The following CFAP58 variants were observed in gnomAD, a reference collection of about 807,000 sequenced individuals.
CFAP58 encodes the protein cilia and flagella associated protein 58.
Under a neutral mutation model 119.5 loss-of-function variants are expected in CFAP58, and 88 were observed. That is an observed-to-expected ratio of 0.74 (90% CI 0.62 to 0.88). The LOEUF (loss-of-function observed/expected upper bound fraction) is 0.88, where lower values mean the gene tolerates loss of function less well. Among genes scored for constraint, CFAP58 ranks in the 40% least tolerant of loss-of-function variants. The probability of loss-of-function intolerance (pLI) is 0.00; values close to 1 mark genes in which losing one functional copy is unlikely to be tolerated. For synonymous variants in CFAP58, 365 were observed against 366.3 expected (o/e 1.00, Z 0.04); for missense variants, 990 against 1,021.2 (o/e 0.97, Z 0.42).
chr10:104,387,680 C>T (rs2133024231), intron 9 of CFAP58, among the ~76,000 whole-genome samples: 1 of 152,268 alleles, frequency 6.6e-6, no homozygotes, highest in East Asian at 1.9e-4. Context: ...TACCATATTT[C>T]CTGCTTTCTG....
At chr10:104,432,651 C>T (rs1042728447) in intron 15 of CFAP58, among the ~76,000 whole-genome samples, 7 of 151,868 alleles carry the variant, frequency 4.6e-5, no homozygotes, top group African/African-American at 9.7e-5. Flanking sequence ...TACAGGCACA[C>T]GCCACCATGC....
chr10:104,432,339 A>C (rs2012862153), intron 15 of CFAP58, among the ~76,000 whole-genome samples: 1 of 152,252 alleles, frequency 6.6e-6, no homozygotes, highest in African/African-American at 2.4e-5. Flanking sequence ...ACAGTTCACA[A>C]AGGAAGAAAT....
chr10:104,408,741 C>T (rs368729045), intron 15 of CFAP58, among the ~76,000 whole-genome samples: 30 of 152,236 alleles, frequency 2.0e-4, no homozygotes, highest in African/African-American at 6.5e-4. Flanking sequence ...GGTTAATGCT[C>T]AGCTCATCAA....
intron 15 of CFAP58, among the ~76,000 whole-genome samples, chr10:104,429,423 T>C (rs917975029): frequency 1.3e-5 from 2 of 152,134 alleles, no homozygotes; most frequent in African/African-American, 2.4e-5. Context: ...CATATTCAAC[T>C]AGCTGTGGAA....
chr10:104,418,119 C>G (rs1370136271), intron 15 of CFAP58, among the ~76,000 whole-genome samples: 1 of 152,234 alleles, frequency 6.6e-6, no homozygotes, highest in African/African-American at 2.4e-5. Flanking sequence ...CTCATTCATT[C>G]ACGGAACATC....
At chr10:104,450,356 C>A in intron 17 of CFAP58, 152 bp downstream of exon 17, 1 of 807,542 alleles carries the variant, frequency 1.2e-6, no homozygotes, top group Non-Finnish European at 2.0e-6. Flanking sequence ...AAGTTTGTAT[C>A]AGAGCAAGAT....
chr10:104,358,968 A>G (rs928337939), intron 2 of CFAP58, among the ~76,000 whole-genome samples: 3 of 152,220 alleles, frequency 2.0e-5, no homozygotes, highest in Admixed American at 6.5e-5. Flanking sequence ...TTTAACTGTT[A>G]AAGATATTTT....
At position 104,357,878 on chromosome 10, in the gene CFAP58, TACACATATATAA is replaced by T. The variant is rs1430077947; in HGVS notation, c.10-459_10-448del. 2.5e-3 allele frequency among the ~76,000 whole-genome samples: 297 copies of T among 119,604 alleles called. 16 individuals are homozygous for T. Among genetic ancestry groups the T allele is most frequent in the African/African-American group, 8.3e-3 (274 of 33,212 alleles). The allele number at this position is 119,604 out of a possible 152,430, so 78.5% of individuals were successfully genotyped here. A position where few individuals can be genotyped will look rare whatever the true frequency, so the allele number is the denominator to read the frequency against. On this transcript the variant is annotated intron_variant, in intron 1 of 17. Transcript: ENST00000369704. ...ATATACACATATATACACATATATG[TACACATATATAA>T]ACATATATGTACACATATACACACA...
In CFAP58 at chr10:104,353,888, G is replaced by A. The variant is rs376272261; in HGVS notation, c.-10G>A. 2.0e-5 allele frequency: 33 copies of A among 1,613,148 alleles called. No homozygotes were observed. Among genetic ancestry groups the A allele is most frequent in the Non-Finnish European group, 2.8e-5 (33 of 1,179,236 alleles). ...AGCAGCCTCTGAGGCCGCCCCCAGA[G>A]AGCATCAGGATGGCTGAGGTCAGGA... On this transcript the variant is annotated 5_prime_UTR_variant, in exon 1 of 18. Coordinates refer to ENST00000369704, the MANE Select transcript of CFAP58 (RefSeq NM_001008723.2).
At chr10:104,423,827 G>A (rs2012699481) in intron 15 of CFAP58, among the ~76,000 whole-genome samples, 2 of 152,144 alleles carry the variant, frequency 1.3e-5, no homozygotes, top group South Asian at 4.1e-4. Context: ...GGACCCGGGG[G>A]AGTCCTATCT....
At chr10:104,403,511 C>CTTTTTT (rs572839157) in intron 13 of CFAP58, among the ~76,000 whole-genome samples, 2 of 133,140 alleles carry the variant, frequency 1.5e-5, no homozygotes, top group Non-Finnish European at 3.2e-5. Flanking sequence ...AGCCCTGGCA[C>CTTTTTT]TTTTTTTTTT....
rs750654329 is a variant in CFAP58, at chr10:104,406,840, C to A, written c.2256+47C>A. ...CTCATTGTACAAGTCCTTAGCACCA[C>A]CATCTCCAGGACTACGTTCTTAGAA... On this transcript the variant is annotated intron_variant, in intron 15 of 17. Transcript: ENST00000369704. 8 of 1,391,880 alleles carry A rather than the reference C, an allele frequency of 5.7e-6. No homozygotes were observed. The South Asian group carries it at 8.1e-5, about 14-fold the overall frequency. 86.2% of individuals were successfully genotyped at this position (1,391,880 alleles called of 1,614,324 possible). A position where few individuals can be genotyped will look rare whatever the true frequency, so the allele number is the denominator to read the frequency against.
intron 11 of CFAP58, among the ~76,000 whole-genome samples, chr10:104,397,606 C>T (rs1308156291): frequency 1.3e-5 from 2 of 152,062 alleles, no homozygotes; most frequent in Non-Finnish European, 1.5e-5. Flanking sequence ...TCTGGGTAGG[C>T]GGGGGTCCAA....
At chr10:104,361,448 T>A (rs1207114827) in intron 2 of CFAP58, among the ~76,000 whole-genome samples, 2 of 152,214 alleles carry the variant, frequency 1.3e-5, no homozygotes, top group African/African-American at 4.8e-5. Context: ...TGGGACCAGA[T>A]GATAAAATAT....
Position 104,381,176 on chromosome 10 carries a change from GACAA to G in CFAP58, c.1365+968_1365+971del, listed in dbSNP as rs145857429. On this transcript the variant is annotated intron_variant, in intron 9 of 17. Coordinates refer to ENST00000369704, the MANE Select transcript of CFAP58 (RefSeq NM_001008723.2). ...AAACAAACAAACAAACAAACAAACA[GACAA>G]ACAAACAAACACCACTGGAGGAAAT... Among the ~76,000 whole-genome samples the G allele has an allele frequency of 6.9e-3, 1,043 of 151,126 alleles. 12 individuals are homozygous for G. Among genetic ancestry groups the G allele is most frequent in the African/African-American group, 0.023 (926 of 40,732 alleles).
chr10:104,411,368 T>TA (rs2012457392), intron 15 of CFAP58, among the ~76,000 whole-genome samples: 1 of 152,232 alleles, frequency 6.6e-6, no homozygotes, highest in East Asian at 1.9e-4. Flanking sequence ...TCTCATGTTT[T>TA]ACATCCTTCC....
chr10:104,421,043 G>A (rs537447727), intron 15 of CFAP58, among the ~76,000 whole-genome samples: 228 of 152,176 alleles, frequency 1.5e-3, no homozygotes, highest in Non-Finnish European at 2.5e-3. Flanking sequence ...ATGAGCCACC[G>A]CACCTGGCCT....
intron 15 of CFAP58, among the ~76,000 whole-genome samples, chr10:104,432,291 A>G (rs563564354): frequency 2.3e-4 from 35 of 152,384 alleles, no homozygotes; most frequent in Middle Eastern, 3.4e-3. Context: ...CAATTTGAAA[A>G]AGATATCAGT....
intron 11 of CFAP58, among the ~76,000 whole-genome samples, chr10:104,395,485 A>G (rs894271392): frequency 2.0e-5 from 3 of 152,192 alleles, no homozygotes; most frequent in Non-Finnish European, 2.9e-5. Context: ...AATGAGAAGC[A>G]GAGAGAGAGG....
Sources: allele counts gnomAD v4.1 joint callset (sites outside exome capture counted in the v4.1 genomes callset), GRCh38; gene constraint gnomAD v4.1.1; transcripts MANE v1.5; gene names NCBI Gene and HGNC (gene_info 2026-07-23, HGNC 2026-07-21).